Variants in MAN2A1 observed in about 807,000 individuals in gnomAD.
The protein encoded by MAN2A1 is mannosidase alpha class 2A member 1, also known as alpha-mannosidase 2.
MAN2A1 carries 76 observed loss-of-function variants against 142.6 expected under a neutral mutation model. The observed-to-expected ratio is 0.53, with a 90% CI of 0.44 to 0.65. The LOEUF (loss-of-function observed/expected upper bound fraction) is 0.65. Ranked by LOEUF, MAN2A1 falls within the 30% of genes least tolerant of loss-of-function variation. The pLI is 0.00. For missense variants in MAN2A1, 1,311 were observed against 1,365.1 expected, an observed-to-expected ratio of 0.96 and a Z score of 0.62; for synonymous variants, 559 against 473.2, an observed-to-expected ratio of 1.18 and a Z score of -2.35.
chr5:109,745,714 C>T (rs1000823655), intron 4 of MAN2A1, among the ~76,000 whole-genome samples: 3 of 152,100 alleles, frequency 2.0e-5, no homozygotes, highest in Admixed American at 1.3e-4. Context: ...AAACTCCGGG[C>T]TCAAGTGATA....
chr5:109,781,318 T>C, intron 8 of MAN2A1, 78 bp from the exon 9 acceptor site: 1 of 745,750 alleles, frequency 1.3e-6, no homozygotes, highest in South Asian at 2.4e-5. Flanking sequence ...ATATTTATTA[T>C]TAACTTTCCC....
intron 3 of MAN2A1, among the ~76,000 whole-genome samples, chr5:109,722,893 A>G (rs1438660): frequency 6.6e-6 from 1 of 152,000 alleles, no homozygotes; most frequent in East Asian, 1.9e-4. Context: ...CAAATAACCA[A>G]GCTCTGTTTG....
intron 4 of MAN2A1, among the ~76,000 whole-genome samples, chr5:109,737,197 G>T (rs893819190): frequency 1.3e-5 from 2 of 150,328 alleles, no homozygotes; most frequent in African/African-American, 2.4e-5. Context: ...AGTTCAAGCG[G>T]TTCTCCTCCT....
At chr5:109,698,442 GTATCATCTTTAA>G (rs1750875969) in intron 1 of MAN2A1, among the ~76,000 whole-genome samples, 1 of 152,228 alleles carries the variant, frequency 6.6e-6, no homozygotes, top group African/African-American at 2.4e-5. Flanking sequence ...ACAGATTTTA[GTATCATCTTTAA>G]ATTGCAGTAT....
At chr5:109,706,199 A>C (rs989308612) in intron 1 of MAN2A1, among the ~76,000 whole-genome samples, 14 of 152,194 alleles carry the variant, frequency 9.2e-5, no homozygotes, top group African/African-American at 3.4e-4. Flanking sequence ...AGCACAGAGA[A>C]GTTATGTAAC....
chr5:109,722,379 A>C (rs1387527689), intron 3 of MAN2A1, among the ~76,000 whole-genome samples: 3 of 152,132 alleles, frequency 2.0e-5, no homozygotes, highest in Non-Finnish European at 4.4e-5. Flanking sequence ...TACAATTAGA[A>C]AGTGATTTAC....
rs183582808 is a variant in MAN2A1 at position 109,788,787 on chromosome 5, A to G, written c.1761-147A>G. 2.5e-4 allele frequency: 140 copies of G among 554,634 alleles called. No homozygotes were observed. In the African/African-American group the frequency reaches 2.5e-3, roughly 10 times the overall value. 34.4% of individuals were successfully genotyped at this position (554,634 alleles called of 1,614,324 possible). On this transcript the variant is annotated intron_variant, in intron 10 of 21. Transcript: ENST00000261483. ...GATGTACTTAGTTCTAGGGGAAAAA[A>G]GAGCAGGTTTGTCATAGATTCATTA...
At chr5:109,746,996 A>G (rs1752426649) in intron 4 of MAN2A1, among the ~76,000 whole-genome samples, 1 of 152,190 alleles carries the variant, frequency 6.6e-6, no homozygotes. Context: ...GAAAGTAGTG[A>G]CAAAAACCAC....
In MAN2A1 at chr5:109,807,144, G is replaced by A. The variant is rs184842403; in HGVS notation, c.1944-10129G>A. 4.8e-4 allele frequency among the ~76,000 whole-genome samples: 73 copies of A among 152,124 alleles called. 1 individual carries two copies. Among genetic ancestry groups the A allele is most frequent in the Middle Eastern group, 3.4e-3 (1 of 294 alleles). ...TTCCCTTGTGAATACAGGAGAGAGGGCAAAGGGCTAGACCCACTTCATTTA... is the reference window on the plus strand; with the variant it reads ...TTCCCTTGTGAATACAGGAGAGAGGACAAAGGGCTAGACCCACTTCATTTA... On this transcript the variant is annotated intron_variant, in intron 12 of 21. Transcript: ENST00000261483.
Position 109,759,069 on chromosome 5 carries a change from T to G in MAN2A1, c.835+3613T>G, listed in dbSNP as rs569331479. ...TAAACTTGTTTTTTCCATGTGAATT[T>G]TAGGCCAGTTTATCAATTTCTGCAA... On this transcript the variant is annotated intron_variant, in intron 5 of 21. Transcript: ENST00000261483. Among the ~76,000 whole-genome samples the G allele has an allele frequency of 4.1e-3, 627 of 152,230 alleles. 11 individuals carry two copies. Among genetic ancestry groups the G allele is most frequent in the Non-Finnish European group, 1.3e-3 (91 of 67,994 alleles).
intron 3 of MAN2A1, among the ~76,000 whole-genome samples, chr5:109,725,965 G>A (rs1751732442): frequency 6.6e-6 from 1 of 152,054 alleles, no homozygotes; most frequent in African/African-American, 2.4e-5. Context: ...TGTGGAACTT[G>A]TAATTATGCA....
chr5:109,845,279 C>G (rs1204719153), intron 17 of MAN2A1, among the ~76,000 whole-genome samples: 2 of 152,144 alleles, frequency 1.3e-5, no homozygotes, highest in African/African-American at 4.8e-5. Flanking sequence ...TTCAAACATT[C>G]AGGTACTAGG....
chr5:109,736,130 G>T (rs530978473), intron 4 of MAN2A1, among the ~76,000 whole-genome samples: 32 of 152,088 alleles, frequency 2.1e-4, no homozygotes, highest in African/African-American at 6.3e-4. Context: ...ACACTGAAAT[G>T]TTAGCTATTA....
At chr5:109,847,464 A>G (rs908134255) in intron 18 of MAN2A1, among the ~76,000 whole-genome samples, 193 bp from the exon 19 acceptor site, 3 of 152,202 alleles carry the variant, frequency 2.0e-5, no homozygotes, top group Non-Finnish European at 2.9e-5. Flanking sequence ...ATCCTGTTTT[A>G]TGAATTTGTA....
chr5:109,812,872 A>G (rs1365932893), intron 12 of MAN2A1, among the ~76,000 whole-genome samples: 4 of 152,064 alleles, frequency 2.6e-5, no homozygotes, highest in African/African-American at 9.6e-5. Flanking sequence ...TGCACTGATG[A>G]TTCATTAACT....
chr5:109,780,622 A>T (rs952245512), intron 8 of MAN2A1, among the ~76,000 whole-genome samples: 1 of 151,856 alleles, frequency 6.6e-6, no homozygotes, highest in Middle Eastern at 3.4e-3. Flanking sequence ...TAATCTGTTT[A>T]TTTTTGACAG....
intron 3 of MAN2A1, among the ~76,000 whole-genome samples, chr5:109,725,790 A>G (rs753755103): frequency 3.3e-5 from 5 of 152,200 alleles, no homozygotes; most frequent in Admixed American, 6.5e-5. Flanking sequence ...CCTATGGCTG[A>G]GAGCTCAAAA....
chr5:109,796,036 TA>T (rs774779042), intron 12 of MAN2A1, among the ~76,000 whole-genome samples: 13 of 152,234 alleles, frequency 8.5e-5, no homozygotes, highest in Non-Finnish European at 1.8e-4. Context: ...AAGTTGTTGT[TA>T]TTTTTTTCTC....
At chr5:109,742,189 C>T (rs1383824142) in intron 4 of MAN2A1, among the ~76,000 whole-genome samples, 1 of 152,216 alleles carries the variant, frequency 6.6e-6, no homozygotes, top group Non-Finnish European at 1.5e-5. Context: ...TATATTGCAT[C>T]TGCTCTTGCT....
Sources: gnomAD v4.1 joint callset for allele counts (sites outside exome capture counted in the v4.1 genomes callset) on GRCh38, gnomAD v4.1.1 for gene constraint, MANE v1.5 for transcripts, NCBI Gene and HGNC (gene_info 2026-07-23, HGNC 2026-07-21) for gene names.